Variants in REEP3 observed in about 807,000 individuals in gnomAD.
REEP3 encodes the protein receptor accessory protein 3, also known as receptor expression-enhancing protein 3.
REEP3 carries 20 observed loss-of-function variants against 41.3 expected under a neutral mutation model. The ratio of observed to expected loss-of-function variants is 0.48; its 90% confidence interval spans 0.34 to 0.70. REEP3 has a LOEUF of 0.70. REEP3 is among the 30% of genes least tolerant of loss of function. The probability of loss-of-function intolerance (pLI) is 0.01; values close to 1 mark genes in which losing one functional copy is unlikely to be tolerated. For synonymous variants in REEP3, 104 were observed against 101.8 expected (o/e 1.02, Z -0.13); for missense variants, 271 against 308.8 (o/e 0.88, Z 0.92).
At chr10:63,542,820 G>A (rs568149967) in intron 1 of REEP3, among the ~76,000 whole-genome samples, 47 of 152,262 alleles carry the variant, frequency 3.1e-4, no homozygotes, top group Admixed American at 2.4e-3. Flanking sequence ...CAGTTTGACC[G>A]TAAGTCTAAT....
chr10:63,571,017 A>G (rs945031217), intron 2 of REEP3, among the ~76,000 whole-genome samples: 2 of 152,120 alleles, frequency 1.3e-5, no homozygotes, highest in African/African-American at 4.8e-5. Context: ...CAGGAGGCTG[A>G]GGTGGGAGGA....
At chr10:63,596,983 A>C (rs1040632845) in intron 3 of REEP3, among the ~76,000 whole-genome samples, 9 of 152,224 alleles carry the variant, frequency 5.9e-5, no homozygotes, top group African/African-American at 2.2e-4. Context: ...TCATGCCAGA[A>C]GGCAAAAGCT....
At chr10:63,559,078 G>T (rs1955717407) in intron 1 of REEP3, among the ~76,000 whole-genome samples, 2 of 152,058 alleles carry the variant, frequency 1.3e-5, no homozygotes, top group South Asian at 2.1e-4. Flanking sequence ...TTGCATAAGT[G>T]TGGTCATATT....
intron 1 of REEP3, among the ~76,000 whole-genome samples, chr10:63,559,345 A>G (rs1051715318): frequency 6.6e-6 from 1 of 152,184 alleles, no homozygotes; most frequent in Non-Finnish European, 1.5e-5. Flanking sequence ...TAGAAATACA[A>G]TTCATTTTTC....
intron 2 of REEP3, among the ~76,000 whole-genome samples, chr10:63,577,524 T>TG (rs1564483042): frequency 6.6e-6 from 1 of 152,102 alleles, no homozygotes; most frequent in Non-Finnish European, 1.5e-5. Flanking sequence ...CCTGGGTTCA[T>TG]GCGATCCTCC....
chr10:63,549,253 G>A (rs1240854886), intron 1 of REEP3, among the ~76,000 whole-genome samples: 2 of 152,208 alleles, frequency 1.3e-5, no homozygotes, highest in Admixed American at 6.5e-5. Context: ...AGAAGGCAGA[G>A]GTGTGGAGTG....
chr10:63,556,626 GTTGTTTTGTTTTTTTTT>G (rs1955686563), intron 1 of REEP3, among the ~76,000 whole-genome samples: 3 of 87,106 alleles, frequency 3.4e-5, no homozygotes, highest in African/African-American at 4.1e-5. Context: ...TTTTTTTTTT[GTTGTTTTGTTTTTTTTT>G]TTTTTTTTTT....
At chr10:63,557,771 C>G (rs1050696165) in intron 1 of REEP3, among the ~76,000 whole-genome samples, 4 of 152,014 alleles carry the variant, frequency 2.6e-5, no homozygotes, top group African/African-American at 7.3e-5. Context: ...AGAATTGAGA[C>G]TAGAAAATAG....
chr10:63,537,504 C>A (rs927126600), intron 1 of REEP3, among the ~76,000 whole-genome samples: 2 of 152,158 alleles, frequency 1.3e-5, no homozygotes, highest in African/African-American at 4.8e-5. Context: ...GCTCATTTTA[C>A]TGTGTGTGCT....
intron 6 of REEP3, among the ~76,000 whole-genome samples, chr10:63,610,837 G>A (rs902725276): frequency 7.9e-5 from 12 of 152,160 alleles, no homozygotes; most frequent in Admixed American, 2.0e-4. Flanking sequence ...TTGGGAGGCC[G>A]AGGTGGGCGG....
At chr10:63,590,037 C>T (rs61853658) in intron 2 of REEP3, among the ~76,000 whole-genome samples, 17,214 of 151,908 alleles carry the variant, frequency 0.11, 1,276 homozygotes, top group East Asian at 0.28. Flanking sequence ...TCAAGTGATC[C>T]GCCCACCTCA....
intron 2 of REEP3, among the ~76,000 whole-genome samples, chr10:63,591,867 C>G (rs1316371496): frequency 6.6e-6 from 1 of 152,158 alleles, no homozygotes; most frequent in Non-Finnish European, 1.5e-5. Context: ...CTCTACTCAA[C>G]CCTATTAACA....
At chr10:63,578,536 C>T (rs1176648597) in intron 2 of REEP3, among the ~76,000 whole-genome samples, 2 of 151,936 alleles carry the variant, frequency 1.3e-5, no homozygotes, top group African/African-American at 2.4e-5. Flanking sequence ...TTTGGGAGGC[C>T]GAGGTGGATG....
intron 2 of REEP3, among the ~76,000 whole-genome samples, chr10:63,583,724 T>C (rs1955977310): frequency 6.6e-6 from 1 of 152,218 alleles, no homozygotes; most frequent in Admixed American, 6.5e-5. Context: ...TTTTTTCCCA[T>C]GCTAAAATCC....
At chr10:63,563,808 T>C (rs1955768601) in intron 1 of REEP3, among the ~76,000 whole-genome samples, 1 of 152,222 alleles carries the variant, frequency 6.6e-6, no homozygotes, top group African/African-American at 2.4e-5. Flanking sequence ...GACTGTGTCC[T>C]TGATATAATG....
chr10:63,566,394 A>T lies in REEP3; in HGVS notation c.89A>T (p.Lys30Ile). ...AYYSYKAVKT[K>I]NVKEYVRWMM... Reference sequence around the variant, plus strand: ...TATTCATACAAAGCTGTGAAAACAAAAAACGTGAAGGAATATGTAAGTATA... The same window carrying T: ...TATTCATACAAAGCTGTGAAAACAATAAACGTGAAGGAATATGTAAGTATA... The change falls in exon 2 of 8, where the codon AAA becomes ATA. Residue 30 changes from lysine (K) to isoleucine (I), a missense_variant. Coordinates refer to ENST00000373758, the MANE Select transcript of REEP3 (RefSeq NM_001001330.3). 1 of 1,538,562 alleles carries T rather than the reference A, an allele frequency of 6.5e-7. No homozygotes were observed.
intron 1 of REEP3, among the ~76,000 whole-genome samples, chr10:63,547,032 C>G (rs1955585167): frequency 6.6e-6 from 1 of 152,130 alleles, no homozygotes; most frequent in East Asian, 1.9e-4. Context: ...AGCAATTCTC[C>G]TGCCTCAGCC....
chr10:63,550,031 G>A (rs1042125970), intron 1 of REEP3, among the ~76,000 whole-genome samples: 3 of 152,196 alleles, frequency 2.0e-5, no homozygotes, highest in East Asian at 1.9e-4. Flanking sequence ...TGCTGCAGGT[G>A]TATTAGAAAG....
rs554822667 is a variant in REEP3, at chr10:63,581,620, A to G, written c.106-13158A>G. On this transcript the variant is annotated intron_variant, in intron 2 of 7. Transcript: ENST00000373758. ...TAGCTGGGCGTGGTGGCATGTGCCT[A>G]TAGTCCCAGCTACTCAGGAGGCTGA... 2.6e-5 allele frequency among the ~76,000 whole-genome samples: 4 copies of G among 152,038 alleles called. No homozygotes were observed. The South Asian group carries it at 8.3e-4, about 32-fold the overall frequency.
Sources: allele counts gnomAD v4.1 joint callset (sites outside exome capture counted in the v4.1 genomes callset), GRCh38; gene constraint gnomAD v4.1.1; transcripts MANE v1.5; gene names NCBI Gene and HGNC (gene_info 2026-07-23, HGNC 2026-07-21).